The following HLCS variants were observed in gnomAD, a reference collection of about 807,000 sequenced individuals.
The protein encoded by HLCS is biotin--protein ligase.
HLCS carries 53 observed loss-of-function variants against 75.0 expected under a neutral mutation model. That is an observed-to-expected ratio of 0.71 (90% CI 0.57 to 0.89). The LOEUF (loss-of-function observed/expected upper bound fraction) is 0.89. Ranked by LOEUF, HLCS falls within the 40% of genes least tolerant of loss-of-function variation. The probability of loss-of-function intolerance (pLI) is 0.00; values close to 1 mark genes in which losing one functional copy is unlikely to be tolerated. For missense variants in HLCS, 966 were observed against 1,074.0 expected (o/e 0.90, Z 1.41); for synonymous variants, 431 against 428.6 (o/e 1.01, Z -0.07).
chr21:36,808,813 C>A (rs1204017146), intron 6 of HLCS, among the ~76,000 whole-genome samples: 1 of 152,208 alleles, frequency 6.6e-6, no homozygotes, highest in Non-Finnish European at 1.5e-5. Context: ...GAAGTTCCTG[C>A]AGCATTTCTT....
At chr21:36,965,986 T>C (rs1451908104) in intron 1 of HLCS, among the ~76,000 whole-genome samples, 1 of 152,176 alleles carries the variant, frequency 6.6e-6, no homozygotes, top group Admixed American at 6.5e-5. Flanking sequence ...CTCCATCTCC[T>C]GGGCTCAAAG....
intron 8 of HLCS, among the ~76,000 whole-genome samples, chr21:36,762,169 G>A (rs545261003): frequency 2.6e-5 from 4 of 152,316 alleles, no homozygotes; most frequent in African/African-American, 9.6e-5. Flanking sequence ...ATGGGAGACG[G>A]AACAGGTGCA....
intron 6 of HLCS, among the ~76,000 whole-genome samples, chr21:36,894,987 T>C (rs979185694): frequency 6.6e-6 from 1 of 152,092 alleles, no homozygotes; most frequent in Non-Finnish European, 1.5e-5. Flanking sequence ...TCTGCGGATG[T>C]GCGGGAGCCT....
Position 36,893,134 on chromosome 21 carries a change from G to A in HLCS, c.1892+3726C>T, listed in dbSNP as rs937023810. Among the ~76,000 whole-genome samples the A allele has an allele frequency of 4.0e-5, 6 of 151,764 alleles. 1 individual carries two copies. The highest frequency in any genetic ancestry group is 3.9e-4 in the Admixed American group (6 of 15,232). On this transcript the variant is annotated intron_variant, in intron 6 of 10. Coordinates refer to ENST00000674895, the MANE Select transcript of HLCS (RefSeq NM_001352514.2). ...CACCCAGGCTAGAGTGCAATGGCGC[G>A]ATCTTGGCTCACTGCAACCTCTGCC...
At chr21:36,813,024 A>G (rs2061556643) in intron 6 of HLCS, among the ~76,000 whole-genome samples, 1 of 152,186 alleles carries the variant, frequency 6.6e-6, no homozygotes, top group Non-Finnish European at 1.5e-5. Flanking sequence ...ATGCCACTAC[A>G]CTTCATCCTG....
chr21:36,893,094 G>A (rs1325227957), intron 6 of HLCS, among the ~76,000 whole-genome samples: 1 of 151,742 alleles, frequency 6.6e-6, no homozygotes, highest in African/African-American at 2.4e-5. Flanking sequence ...TTTTGAGATG[G>A]GAGTCTTGTT....
At chr21:36,875,235 C>A (rs1416909134) in intron 6 of HLCS, among the ~76,000 whole-genome samples, 1 of 152,182 alleles carries the variant, frequency 6.6e-6, no homozygotes, top group Non-Finnish European at 1.5e-5. Context: ...TGAAACCACA[C>A]CTTCAAGCCT....
At chr21:36,833,580 G>C (rs1268401334) in intron 6 of HLCS, among the ~76,000 whole-genome samples, 5 of 118,446 alleles carry the variant, frequency 4.2e-5, no homozygotes, top group Non-Finnish European at 7.1e-5. Flanking sequence ...GTTGGAGACT[G>C]TCTAAAAAAA....
chr21:36,820,018 C>T (rs1429419660), intron 6 of HLCS, among the ~76,000 whole-genome samples: 6 of 152,336 alleles, frequency 3.9e-5, no homozygotes, highest in Middle Eastern at 3.4e-3. Context: ...ATAAACCAGA[C>T]TCACGCCATG....
At chr21:36,897,451 T>C (rs2065059833) in intron 5 of HLCS, among the ~76,000 whole-genome samples, 1 of 152,210 alleles carries the variant, frequency 6.6e-6, no homozygotes, top group South Asian at 2.1e-4. Context: ...TCATAAGTAG[T>C]TCTCCAGTCC....
intron 6 of HLCS, among the ~76,000 whole-genome samples, chr21:36,821,523 C>A (rs2061840520): frequency 6.6e-6 from 1 of 152,202 alleles, no homozygotes; most frequent in East Asian, 1.9e-4. Context: ...TATCCTTGGC[C>A]AACTCTGCAG....
At chr21:36,893,807 G>C (rs750495889) in intron 6 of HLCS, among the ~76,000 whole-genome samples, 90 of 152,218 alleles carry the variant, frequency 5.9e-4, no homozygotes, top group Admixed American at 2.6e-4. Context: ...ACCACAGCCC[G>C]GGGGTCGGGG....
intron 6 of HLCS, among the ~76,000 whole-genome samples, chr21:36,871,860 G>A (rs575023299): frequency 1.3e-5 from 2 of 152,258 alleles, no homozygotes; most frequent in African/African-American, 2.4e-5. Context: ...AATGCCAGCA[G>A]TGTAATAGGT....
intron 6 of HLCS, among the ~76,000 whole-genome samples, chr21:36,840,699 G>A (rs1028245658): frequency 3.9e-5 from 6 of 152,042 alleles, no homozygotes; most frequent in African/African-American, 7.2e-5. Flanking sequence ...TTCAACCTCC[G>A]CCTCCCAGGT....
chr21:36,918,861 G>T (rs145789746), intron 5 of HLCS, among the ~76,000 whole-genome samples: 1 of 152,182 alleles, frequency 6.6e-6, no homozygotes. Context: ...TCTCACATTT[G>T]TTTTGCAACA....
At chr21:36,844,793 C>T (rs1388235110) in intron 6 of HLCS, among the ~76,000 whole-genome samples, 1 of 151,852 alleles carries the variant, frequency 6.6e-6, no homozygotes, top group Non-Finnish European at 1.5e-5. Context: ...ACTTTAATAC[C>T]GTGGGGAGAA....
rs546119561 is a variant in HLCS at position 36,882,973 on chromosome 21, G to A, written c.1892+13887C>T. Among the ~76,000 whole-genome samples, 8 of 152,064 alleles carry A rather than the reference G, an allele frequency of 5.3e-5. No individual in the cohort carries two copies. In the South Asian group the frequency reaches 8.3e-4, roughly 16 times the overall value. On this transcript the variant is annotated intron_variant, in intron 6 of 10. Coordinates refer to ENST00000674895, the MANE Select transcript of HLCS (RefSeq NM_001352514.2). The stretch of plus-strand genomic sequence containing the variant: ...TTCTCCGCCAGGCAATGACTTCATC[G>A]TTTCCTTCTCACTAATTTGAATACT...
intron 5 of HLCS, among the ~76,000 whole-genome samples, chr21:36,913,516 T>C (rs1446565797): frequency 6.6e-6 from 1 of 152,040 alleles, no homozygotes; most frequent in Non-Finnish European, 1.5e-5. Context: ...ATCCCAGCAA[T>C]TTGGGAGGCC....
chr21:36,840,452 A>C (rs979842499), intron 6 of HLCS, among the ~76,000 whole-genome samples: 2 of 152,166 alleles, frequency 1.3e-5, no homozygotes, highest in Non-Finnish European at 2.9e-5. Context: ...TTTCCTTTGA[A>C]ATATTTTTGG....
Sources: allele counts gnomAD v4.1 joint callset (sites outside exome capture counted in the v4.1 genomes callset), GRCh38; gene constraint gnomAD v4.1.1; transcripts MANE v1.5; gene names NCBI Gene and HGNC (gene_info 2026-07-23, HGNC 2026-07-21).